The following NOL4 variants were observed in gnomAD, a reference collection of about 807,000 sequenced individuals.
NOL4 encodes the protein cancer/testis antigen 125.
A neutral mutation model predicts 75.9 loss-of-function variants in NOL4; 17 were observed. The ratio of observed to expected loss-of-function variants is 0.22; its 90% confidence interval spans 0.15 to 0.34. The LOEUF (loss-of-function observed/expected upper bound fraction) is 0.34. NOL4 is among the 10% of genes least tolerant of loss of function. The pLI is 1.00. For missense variants in NOL4, 614 were observed against 793.5 expected (o/e 0.77, Z 2.72); for synonymous variants, 292 against 289.9 (o/e 1.01, Z -0.07).
At chr18:33,940,431 T>C (rs2068390941) in intron 9 of NOL4, among the ~76,000 whole-genome samples, 1 of 152,036 alleles carries the variant, frequency 6.6e-6, no homozygotes, top group Non-Finnish European at 1.5e-5. Context: ...ACCATCATTC[T>C]CAGCCAACTA....
intron 1 of NOL4, among the ~76,000 whole-genome samples, chr18:34,177,447 T>G (rs970726941): frequency 6.6e-6 from 1 of 151,984 alleles, no homozygotes; most frequent in Non-Finnish European, 1.5e-5. Flanking sequence ...CATACCTAAA[T>G]AAATTTGTTA....
chr18:33,892,080 C>T (rs958947490), intron 9 of NOL4, among the ~76,000 whole-genome samples: 2 of 151,970 alleles, frequency 1.3e-5, no homozygotes, highest in Non-Finnish European at 2.9e-5. Context: ...TTTTTAATGA[C>T]ATAAAAATTA....
intron 2 of NOL4, among the ~76,000 whole-genome samples, chr18:34,124,333 T>A (rs1405114075): frequency 6.6e-6 from 1 of 152,194 alleles, no homozygotes; most frequent in Non-Finnish European, 1.5e-5. Flanking sequence ...AAACACACAG[T>A]ATTTTTATAT....
At chr18:34,169,778 C>CA (rs955719352) in intron 1 of NOL4, among the ~76,000 whole-genome samples, 1 of 151,806 alleles carries the variant, frequency 6.6e-6, no homozygotes, top group Non-Finnish European at 1.5e-5. Flanking sequence ...CTCAATAACA[C>CA]AAAAAAACAC....
At chr18:34,179,042 T>C (rs2033803766) in intron 1 of NOL4, among the ~76,000 whole-genome samples, 1 of 151,482 alleles carries the variant, frequency 6.6e-6, no homozygotes, top group African/African-American at 2.4e-5. Flanking sequence ...CATAAATCAA[T>C]TTGGAAAATT....
At chr18:33,876,156 C>T (rs541842320) in intron 10 of NOL4, among the ~76,000 whole-genome samples, 1 of 152,100 alleles carries the variant, frequency 6.6e-6, no homozygotes, top group South Asian at 2.1e-4. Flanking sequence ...AATTCAAATG[C>T]TGCTAAGGTA....
intron 6 of NOL4, among the ~76,000 whole-genome samples, chr18:33,981,929 C>T (rs1202595088): frequency 6.6e-6 from 1 of 151,896 alleles, no homozygotes; most frequent in Admixed American, 6.6e-5. Flanking sequence ...AGGAGTATTT[C>T]GTTATAGGGT....
intron 10 of NOL4, among the ~76,000 whole-genome samples, chr18:33,877,510 T>A (rs2144591450): frequency 6.6e-6 from 1 of 151,726 alleles, no homozygotes; most frequent in Non-Finnish European, 1.5e-5. Flanking sequence ...ATACATGACC[T>A]TGAGCAAGTC....
rs202137160 is a variant in NOL4 at position 34,161,042 on chromosome 18, G to A, written c.265-31022C>T. Among the ~76,000 whole-genome samples, 11 of 152,064 alleles carry A rather than the reference G, an allele frequency of 7.2e-5. No homozygotes were observed. The East Asian group carries it at 1.7e-3, about 24-fold the overall frequency. On this transcript the variant is annotated intron_variant, in intron 1 of 10. Transcript: ENST00000261592. Reference sequence around the variant, plus strand: ...TACTTCTATGAGATCAACTTTCTTAGCTTCCACATGAGTGAGAATACGTGG... The same window carrying A: ...TACTTCTATGAGATCAACTTTCTTAACTTCCACATGAGTGAGAATACGTGG...
At chr18:33,898,497 G>A (rs921843538) in intron 9 of NOL4, among the ~76,000 whole-genome samples, 8 of 151,942 alleles carry the variant, frequency 5.3e-5, no homozygotes, top group Non-Finnish European at 8.8e-5. Flanking sequence ...AACAACACCC[G>A]TTATATCACC....
chr18:33,984,491 G>A (rs2072270079), intron 6 of NOL4, among the ~76,000 whole-genome samples: 1 of 152,000 alleles, frequency 6.6e-6, no homozygotes, highest in Non-Finnish European at 1.5e-5. Flanking sequence ...CTGGATCATG[G>A]GGGTGGTTTC....
intron 2 of NOL4, among the ~76,000 whole-genome samples, chr18:34,123,555 ATATATG>A (rs2080247916): frequency 6.9e-6 from 1 of 145,378 alleles, no homozygotes; most frequent in Admixed American, 6.9e-5. Context: ...ATATATATAT[ATATATG>A]GTTCTCTATA....
intron 1 of NOL4, among the ~76,000 whole-genome samples, chr18:34,219,102 A>C (rs1285935364): frequency 6.6e-6 from 1 of 152,250 alleles, no homozygotes; most frequent in African/African-American, 2.4e-5. Flanking sequence ...TACAGATTGC[A>C]GAACTGAATA....
intron 4 of NOL4, 60 bp from the exon 5 acceptor site, chr18:34,093,657 C>T: frequency 1.6e-6 from 2 of 1,254,662 alleles, no homozygotes; most frequent in Admixed American, 2.8e-5. Flanking sequence ...TAAATAATAA[C>T]CATTTTATCT....
chr18:34,154,604 A>T (rs577913232), intron 1 of NOL4, among the ~76,000 whole-genome samples: 1 of 152,060 alleles, frequency 6.6e-6, no homozygotes, highest in Admixed American at 6.6e-5. Context: ...AGAGTCATTT[A>T]TGTTTTTTAA....
chr18:34,144,878 T>C (rs956204939), intron 1 of NOL4, among the ~76,000 whole-genome samples: 21 of 152,164 alleles, frequency 1.4e-4, no homozygotes, highest in African/African-American at 4.6e-4. Flanking sequence ...ACTTGGAATA[T>C]GCTTTTTCTG....
intron 5 of NOL4, among the ~76,000 whole-genome samples, chr18:34,046,607 C>CATATATATATATATAT (rs35281852): frequency 0.032 from 2,571 of 81,374 alleles, 281 homozygotes; most frequent in Non-Finnish European, 0.037. Flanking sequence ...TTTACTTATA[C>CATATATATATATATAT]ATATATATAT....
chr18:33,958,455 A>G (rs2069836222), intron 6 of NOL4, 37 bp from the exon 7 acceptor site: 4 of 1,539,796 alleles, frequency 2.6e-6, no homozygotes, highest in Admixed American at 1.9e-5. Flanking sequence ...TTTTAAATTC[A>G]TTGCACAAGC....
intron 1 of NOL4, among the ~76,000 whole-genome samples, chr18:34,195,454 AG>A (rs1325655781): frequency 6.6e-6 from 1 of 152,168 alleles, no homozygotes; most frequent in Non-Finnish European, 1.5e-5. Flanking sequence ...AAATTGATGT[AG>A]GGAAGAAAAA....
Sources: allele counts gnomAD v4.1 joint callset (sites outside exome capture counted in the v4.1 genomes callset), GRCh38; gene constraint gnomAD v4.1.1; transcripts MANE v1.5; gene names NCBI Gene and HGNC (gene_info 2026-07-23, HGNC 2026-07-21).